GFRA4: variants seen among roughly 807,000 people sequenced by gnomAD.
GFRA4 encodes the protein GDNF family receptor alpha-4.
A neutral mutation model predicts 28.5 loss-of-function variants in GFRA4; 31 were observed. The ratio of observed to expected loss-of-function variants is 1.09; its 90% confidence interval spans 0.82 to 1.47. The LOEUF (loss-of-function observed/expected upper bound fraction) is 1.47. Ranked by LOEUF, GFRA4 falls within the 40% of genes most tolerant of loss-of-function variation. The pLI, the probability that GFRA4 is intolerant of heterozygous loss-of-function variation, is 0.00. For synonymous variants in GFRA4, 188 were observed against 188.0 expected (o/e 1.00, Z 0.00); for missense variants, 389 against 413.2 (o/e 0.94, Z 0.51).
rs2087194416 is a variant in GFRA4, at chr20:3,659,610, C to G, written c.*299G>C. The G allele has an allele frequency of 2.1e-6, 1 of 474,536 alleles. No homozygotes were observed. Among genetic ancestry groups the G allele is most frequent in the Non-Finnish European group, 3.8e-6 (1 of 263,178 alleles). The allele number at this position is 474,536 out of a possible 1,614,324, so 29.4% of individuals were successfully genotyped here. On this transcript the variant is annotated 3_prime_UTR_variant, in exon 6 of 6. Transcript: ENST00000290417. ...AGGTCTCAGCTACAAAAGTGACCCTCTCCTGACCCCACCTTGTGGGAGACC... is the reference window on the plus strand; with the variant it reads ...AGGTCTCAGCTACAAAAGTGACCCTGTCCTGACCCCACCTTGTGGGAGACC...
At position 3,661,291 on chromosome 20, in the gene GFRA4, T is replaced by TG; in HGVS notation, c.47-3dup. 6.9e-7 allele frequency: 1 copy of TG among 1,459,164 alleles called. No individual in the cohort carries two copies. Among genetic ancestry groups the TG allele is most frequent in the Non-Finnish European group, 9.0e-7 (1 of 1,111,758 alleles). The allele number at this position is 1,459,164 out of a possible 1,614,324, so 90.4% of individuals were successfully genotyped here. A position where few individuals can be genotyped will look rare whatever the true frequency, so the allele number is the denominator to read the frequency against. On this transcript the variant is annotated splice_polypyrimidine_tract_variant and splice_region_variant and intron_variant, in intron 1 of 5. Transcript: ENST00000290417. ...TCCCTCCGACCGAGCTCGCCGACCC[T>TG]GGGAAAGGCGCGGGGAGGCTGCAGG... is the stretch of plus-strand genomic sequence containing the variant.
Position 3,661,168 on chromosome 20 carries a change from C to G in GFRA4, c.168G>C (p.Gln56His). The change falls in exon 2 of 6, where the codon CAG (glutamine) becomes CAC (histidine). Residue 56 changes from glutamine (Q) to histidine (H), a missense_variant. By Grantham distance (24) the Gln-to-His change is conservative. Coordinates refer to ENST00000290417, the MANE Select transcript of GFRA4 (RefSeq NM_022139.4). ...GGCAGCGGGCGCGGGGACAGCCCCC[C>G]TGCGCAGCCCGGCCCAGGCACTGCG... is the stretch of plus-strand genomic sequence containing the variant. ...YVAQCLGRAA[Q>H]GGCPRARCRR... The G allele has an allele frequency of 4.9e-6, 7 of 1,416,584 alleles. No individual in the cohort carries two copies. Among genetic ancestry groups the G allele is most frequent in the Non-Finnish European group, 6.4e-6 (7 of 1,091,068 alleles). The allele number at this position is 1,416,584 out of a possible 1,614,324, so 87.8% of individuals were successfully genotyped here. A position where few individuals can be genotyped will look rare whatever the true frequency, so the allele number is the denominator to read the frequency against.
Position 3,663,370 on chromosome 20 carries a change from C to T in GFRA4, c.30G>A (p.Leu10=). Reference sequence around the variant, plus strand: ...GGCGCTCACCCAGTAACAGCAGCAGCAGCAGCGCAGGCCCCAGGCAGCGGA... The same window carrying T: ...GGCGCTCACCCAGTAACAGCAGCAGTAGCAGCGCAGGCCCCAGGCAGCGGA... MVRCLGPAL[L]LLLLLGSASS... Residue 10 remains leucine (L), a synonymous_variant, in exon 1 of 6, where the codon CTG becomes CTA. Coordinates refer to ENST00000290417, the MANE Select transcript of GFRA4 (RefSeq NM_022139.4). 6.2e-7 allele frequency: 1 copy of T among 1,611,180 alleles called. No individual in the cohort carries two copies. Among genetic ancestry groups the T allele is most frequent in the Non-Finnish European group, 8.5e-7 (1 of 1,179,274 alleles).
chr20:3,661,832 T>G (rs560260970), intron 1 of GFRA4, among the ~76,000 whole-genome samples: 350 of 152,236 alleles, frequency 2.3e-3, no homozygotes, highest in African/African-American at 8.2e-3. Flanking sequence ...TCTATTGATT[T>G]CTGTTTCTCC....
chr20:3,663,284 C>T (rs2087242064), intron 1 of GFRA4, 70 bp downstream of exon 1: 1 of 1,541,344 alleles, frequency 6.5e-7, no homozygotes, highest in South Asian at 1.2e-5. Context: ...CTTGCCCTCC[C>T]ACCTTGTCAC....
In GFRA4 at chr20:3,661,008, GC is replaced by G. The variant is rs1454315096; in HGVS notation, c.327del (p.Gly111AlafsTer11). 2 of 1,465,114 alleles carry G rather than the reference GC, an allele frequency of 1.4e-6. No homozygotes were observed. Among genetic ancestry groups the G allele is most frequent in the East Asian group, 6.1e-5 (2 of 32,892 alleles). 90.8% of individuals were successfully genotyped at this position (1,465,114 alleles called of 1,614,324 possible). On this transcript the variant is annotated frameshift_variant, in exon 2 of 6. Transcript: ENST00000290417. LOFTEE classifies it high-confidence loss of function. ...QTFVPSCAFSGPGPAPPSCLE... is the reference protein window; with the variant it reads ...QTFVPSCAFSXPGPAPPSCLE... ...AGGCAGGAGGGCGGCGCGGGGCCGG[GC>G]CCCGAAAAGGCGCAGGAGGGCACGA... is the stretch of plus-strand genomic sequence containing the variant.
rs1246995044 is a variant in GFRA4, at chr20:3,661,070, G to T, written c.266C>A (p.Ala89Glu). 1.4e-6 allele frequency: 2 copies of T among 1,442,546 alleles called. No individual in the cohort carries two copies. The highest frequency in any genetic ancestry group is 5.6e-5 in the Admixed American group (2 of 35,580). The allele number at this position is 1,442,546 out of a possible 1,614,324, so 89.4% of individuals were successfully genotyped here. Residue 89 changes from alanine to glutamate, a missense_variant, in exon 2 of 6, where the codon GCG becomes GAG. Transcript: ENST00000290417. ...LTHALLFCPC[A>E]GPACAERRRQ... ...CCGACGCTCGGCGCACGCGGGGCCC[G>T]CGCACGGGCAGAAGAGCAGTGCGTG... is the stretch of plus-strand genomic sequence containing the variant.
Position 3,660,525 on chromosome 20 carries a change from C to A in GFRA4, c.637+1G>T. ...CCTCCACTCCCCCCCGGGCCCCTCACCCAAGCAGCGGTTCCTGGTAAAGAG... is the reference window on the plus strand; with the variant it reads ...CCTCCACTCCCCCCCGGGCCCCTCAACCAAGCAGCGGTTCCTGGTAAAGAG... On this transcript the variant is annotated splice_donor_variant, in intron 4 of 5. Transcript: ENST00000290417. LOFTEE classifies it high-confidence loss of function. The A allele has an allele frequency of 6.5e-7, 1 of 1,548,244 alleles. No homozygotes were observed. Among genetic ancestry groups the A allele is most frequent in the Non-Finnish European group, 8.7e-7 (1 of 1,146,118 alleles).
intron 1 of GFRA4, among the ~76,000 whole-genome samples, chr20:3,662,903 A>G (rs2087237719): frequency 6.6e-6 from 1 of 152,176 alleles, no homozygotes; most frequent in Non-Finnish European, 1.5e-5. Context: ...CCTTTACCAG[A>G]TTCCACTTTC....
At chr20:3,661,828 G>A (rs1035751892) in intron 1 of GFRA4, among the ~76,000 whole-genome samples, 1 of 152,102 alleles carries the variant, frequency 6.6e-6, no homozygotes, top group South Asian at 2.1e-4. Flanking sequence ...TGGGTCTATT[G>A]ATTTCTGTTT....
intron 1 of GFRA4, 110 bp from the exon 2 acceptor site, chr20:3,661,399 T>C: frequency 2.3e-6 from 3 of 1,317,180 alleles, no homozygotes; most frequent in Non-Finnish European, 2.9e-6. Flanking sequence ...CGAGAAAGCA[T>C]AGAGTGTGGC....
At chr20:3,661,412 A>C in intron 1 of GFRA4, 123 bp from the exon 2 acceptor site, 1 of 1,303,306 alleles carries the variant, frequency 7.7e-7, no homozygotes, top group Non-Finnish European at 9.7e-7. Context: ...AGTGTGGCCC[A>C]AAGGCGGGGC....
chr20:3,660,818 C>G lies in GFRA4; in HGVS notation c.439G>C (p.Ala147Pro), dbSNP rs1326219407. 7.1e-6 allele frequency: 10 copies of G among 1,415,932 alleles called. No homozygotes were observed. The highest frequency in any genetic ancestry group is 7.3e-6 in the Non-Finnish European group (8 of 1,097,432). 87.7% of individuals were successfully genotyped at this position (1,415,932 alleles called of 1,614,324 possible). A position where few individuals can be genotyped will look rare whatever the true frequency, so the allele number is the denominator to read the frequency against. ...FQVSCTPAPS[A>P]PDGCLLDQGA... ...TGGTCCAGCAGGCAGCCGTCGGGGG[C>G]GCTGGGCGCTGGGGTGCACGAGACC... The change falls in exon 3 of 6, where the codon GCC (alanine) becomes CCC (proline). Residue 147 changes from alanine (A) to proline (P), a missense_variant. Ala to Pro is a conservative substitution (Grantham distance 27). Coordinates refer to ENST00000290417, the MANE Select transcript of GFRA4 (RefSeq NM_022139.4).
chr20:3,660,376 A>C, intron 4 of GFRA4, 127 bp from the exon 5 acceptor site: 5 of 1,053,982 alleles, frequency 4.7e-6, no homozygotes, highest in Non-Finnish European at 5.5e-6. Flanking sequence ...TGTGGTGAGG[A>C]ATAACAAAAT....
intron 4 of GFRA4, 43 bp from the exon 5 acceptor site, chr20:3,660,292 TAGCACAGGGCTC>T: frequency 1.3e-6 from 2 of 1,498,896 alleles, no homozygotes; most frequent in Non-Finnish European, 1.8e-6. Flanking sequence ...TGGGAAACCC[TAGCACAGGGCTC>T]AGCACAGGGG....
At position 3,660,594 on chromosome 20, in the gene GFRA4, C is replaced by T; in HGVS notation, c.569G>A (p.Gly190Glu). ...SARVAPWCDC[G>E]ASGNRREDCE... Reference sequence around the variant, plus strand: ...GTCCTCACGCCGGTTCCCGCTGGCTCCGCAGTCGCACCAGGGCGCCACGCG... The same window carrying T: ...GTCCTCACGCCGGTTCCCGCTGGCTTCGCAGTCGCACCAGGGCGCCACGCG... The change falls in exon 4 of 6, where the codon GGA (glycine) becomes GAA (glutamate). Residue 190 changes from glycine to glutamate, a missense_variant. Transcript: ENST00000290417. 6.4e-7 allele frequency: 1 copy of T among 1,551,054 alleles called. No individual in the cohort carries two copies. Among genetic ancestry groups the T allele is most frequent in the Non-Finnish European group, 8.7e-7 (1 of 1,147,394 alleles).
At position 3,659,701 on chromosome 20, in the gene GFRA4, G is replaced by A. The variant is rs956916188; in HGVS notation, c.*208C>T. Reference sequence around the variant, plus strand: ...AAGATGCCTCCTGACAGGGAGACGGGGGCTTTACAGTCAGGCCCCAGCCTA... The same window carrying A: ...AAGATGCCTCCTGACAGGGAGACGGAGGCTTTACAGTCAGGCCCCAGCCTA... On this transcript the variant is annotated 3_prime_UTR_variant, in exon 6 of 6. Transcript: ENST00000290417. The A allele has an allele frequency of 5.1e-6, 3 of 586,110 alleles. No homozygotes were observed. The highest frequency in any genetic ancestry group is 9.1e-6 in the Non-Finnish European group (3 of 330,642). 36.3% of individuals were successfully genotyped at this position (586,110 alleles called of 1,614,324 possible).
chr20:3,660,687 T>G (rs1301274669), intron 3 of GFRA4, 27 bp from the exon 4 acceptor site: 1 of 1,534,322 alleles, frequency 6.5e-7, no homozygotes, highest in South Asian at 1.2e-5. Flanking sequence ...GGCGAAGTCA[T>G]CGGCCCACCC....
In GFRA4 at chr20:3,660,196, G is replaced by A; in HGVS notation, c.691C>T (p.Leu231=). ...TGCTCCGGGTCTCCCTGGGGGTTCA[G>A]CTGGTCCAGCAGGACTGGGGGCCAC... ...SGWPPVLLDQ[L]NPQGDPEHSL... is the part of the protein sequence containing the mutation. Residue 231 remains leucine, a synonymous_variant, in exon 5 of 6, where the codon CTG becomes TTG. Transcript: ENST00000290417. The A allele has an allele frequency of 6.2e-7, 1 of 1,602,332 alleles. No homozygotes were observed. The highest frequency in any genetic ancestry group is 8.5e-7 in the Non-Finnish European group (1 of 1,175,544).
Sources: gnomAD v4.1 joint callset for allele counts (sites outside exome capture counted in the v4.1 genomes callset) on GRCh38, gnomAD v4.1.1 for gene constraint, MANE v1.5 for transcripts, NCBI Gene and HGNC (gene_info 2026-07-23, HGNC 2026-07-21) for gene names.